TSPAN14: variants seen among roughly 807,000 people sequenced by gnomAD.
The protein encoded by TSPAN14 is tetraspanin-14.
TSPAN14 carries 16 observed loss-of-function variants against 36.6 expected under a neutral mutation model. The ratio of observed to expected loss-of-function variants is 0.44; its 90% confidence interval spans 0.30 to 0.66. The LOEUF (loss-of-function observed/expected upper bound fraction) is 0.66, where lower values mean the gene tolerates loss of function less well. Ranked by LOEUF, TSPAN14 falls within the 30% of genes least tolerant of loss-of-function variation. The pLI is 0.12. For synonymous variants in TSPAN14, 139 were observed against 143.8 expected (o/e 0.97, Z 0.24); for missense variants, 231 against 355.1 (o/e 0.65, Z 2.81).
intron 1 of TSPAN14, among the ~76,000 whole-genome samples, chr10:80,480,341 G>A (rs1025358186): frequency 2.0e-5 from 3 of 152,150 alleles, no homozygotes; most frequent in Non-Finnish European, 2.9e-5. Flanking sequence ...TTGAACAGGA[G>A]TGGTGAGAGA....
At chr10:80,504,173 C>T (rs549712916) in intron 2 of TSPAN14, among the ~76,000 whole-genome samples, 114 of 152,344 alleles carry the variant, frequency 7.5e-4, no homozygotes, top group Non-Finnish European at 5.6e-4. Flanking sequence ...GGAGGCTCAG[C>T]CCTGGCCAGT....
intron 2 of TSPAN14, among the ~76,000 whole-genome samples, chr10:80,503,982 G>A (rs1037796310): frequency 1.3e-5 from 2 of 152,144 alleles, no homozygotes; most frequent in African/African-American, 4.8e-5. Flanking sequence ...TTGGGTGGGC[G>A]CCTTTCTGTT....
At chr10:80,507,159 A>G (rs747812794) in intron 3 of TSPAN14, 69 bp from the exon 4 acceptor site, 7 of 1,585,458 alleles carry the variant, frequency 4.4e-6, no homozygotes, top group East Asian at 2.3e-5. Flanking sequence ...TACCACCTGC[A>G]TCCCCCAGGG....
chr10:80,476,518 C>T (rs1846914617), intron 1 of TSPAN14, among the ~76,000 whole-genome samples: 1 of 148,740 alleles, frequency 6.7e-6, no homozygotes, highest in Non-Finnish European at 1.5e-5. Flanking sequence ...CGGGTTCACG[C>T]CATTCTCCTG....
chr10:80,479,005 C>T (rs1308085520), intron 1 of TSPAN14, among the ~76,000 whole-genome samples: 1 of 152,094 alleles, frequency 6.6e-6, no homozygotes, highest in Non-Finnish European at 1.5e-5. Flanking sequence ...GAGATGGTAT[C>T]TCATTGTGGT....
chr10:80,513,500 G>C (rs767196011), intron 6 of TSPAN14, among the ~76,000 whole-genome samples: 2 of 152,332 alleles, frequency 1.3e-5, no homozygotes, highest in African/African-American at 2.4e-5. Context: ...AAATGTACCA[G>C]TCTTGTAAGT....
chr10:80,460,103 G>A (rs1845900737), intron 1 of TSPAN14, among the ~76,000 whole-genome samples: 1 of 152,214 alleles, frequency 6.6e-6, no homozygotes, highest in Non-Finnish European at 1.5e-5. Flanking sequence ...TACGATAGAT[G>A]TAGGAATTAT....
intron 1 of TSPAN14, among the ~76,000 whole-genome samples, chr10:80,477,813 A>C (rs572402855): frequency 6.6e-6 from 1 of 152,354 alleles, no homozygotes; most frequent in Non-Finnish European, 1.5e-5. Flanking sequence ...TCCATTCTCT[A>C]GTCTTCTAAC....
rs754016524 is a variant in TSPAN14, at chr10:80,509,391, C to A, written c.370C>A (p.Arg124=). 1.1e-4 allele frequency: 185 copies of A among 1,614,022 alleles called. No homozygotes were observed. Among genetic ancestry groups the A allele is most frequent in the Non-Finnish European group, 1.5e-4 (178 of 1,180,036 alleles). Residue 124 remains arginine, a synonymous_variant, in exon 5 of 9, where the codon CGG becomes AGG. Coordinates refer to ENST00000429989, the Ensembl canonical transcript of TSPAN14. This position sits in a 1 kb window ranked among gnomAD's most constrained non-coding sequence, Gnocchi z 4.7. The stretch of plus-strand genomic sequence containing the variant: ...CCAGGACTGGGTGAGGGACCGGTTC[C>A]GGGAGTTCTTCGAGAGCAACATCAA...
chr10:80,466,666 T>C (rs1846267423), intron 1 of TSPAN14: 1 of 152,172 alleles, frequency 6.6e-6, no homozygotes, highest in Admixed American at 6.5e-5. Context: ...GGGTGGGGTA[T>C]GTTAACAGAA....
At chr10:80,458,356 A>G (rs1436771339) in intron 1 of TSPAN14, among the ~76,000 whole-genome samples, 1 of 152,164 alleles carries the variant, frequency 6.6e-6, no homozygotes, top group African/African-American at 2.4e-5. Context: ...CCACGTTAGT[A>G]GGATTTTGAA....
chr10:80,503,127 G>A (rs376549196), intron 2 of TSPAN14, among the ~76,000 whole-genome samples: 16 of 152,246 alleles, frequency 1.1e-4, no homozygotes, highest in African/African-American at 3.9e-4. Flanking sequence ...GGGTGGGGAT[G>A]GAGCCTGCAG....
At chr10:80,463,166 C>T (rs560587603) in intron 1 of TSPAN14, 2 of 152,198 alleles carry the variant, frequency 1.3e-5, no homozygotes, top group Non-Finnish European at 2.9e-5. Context: ...GCCTGACCCC[C>T]TCCTTCCCCT....
At chr10:80,497,703 C>T (rs1418938571) in intron 2 of TSPAN14, among the ~76,000 whole-genome samples, 1 of 152,198 alleles carries the variant, frequency 6.6e-6, no homozygotes, top group Non-Finnish European at 1.5e-5. Context: ...TTTCCAGGGC[C>T]TTGACTCAGG....
intron 1 of TSPAN14, among the ~76,000 whole-genome samples, chr10:80,485,217 TAA>T (rs1317548013): frequency 6.6e-6 from 1 of 151,600 alleles, no homozygotes; most frequent in African/African-American, 2.4e-5. Flanking sequence ...GTGTGTAAGA[TAA>T]AGAGTGTTGG....
At chr10:80,520,948 T>G (rs1841239441) in exon 9 of TSPAN14, 1 of 439,480 alleles carries the variant, frequency 2.3e-6, no homozygotes, top group Non-Finnish European at 4.6e-6. Flanking sequence ...CTCACCAGCC[T>G]CCGGGGAATC....
chr10:80,464,887 AAGG>A (rs1415925240), intron 1 of TSPAN14, among the ~76,000 whole-genome samples: 3 of 152,058 alleles, frequency 2.0e-5, no homozygotes, highest in African/African-American at 7.2e-5. Flanking sequence ...GGAACTAGAG[AAGG>A]AGGAGAGTGG....
At chr10:80,489,107 G>C (rs1847785893) in intron 1 of TSPAN14, 110 bp from the exon 2 acceptor site, 5 of 702,602 alleles carry the variant, frequency 7.1e-6, no homozygotes, top group Admixed American at 2.2e-5. Context: ...ACCAGTAAAG[G>C]GTCATGAGGG....
intron 8 of TSPAN14, among the ~76,000 whole-genome samples, chr10:80,516,732 G>A (rs1388552770): frequency 6.6e-6 from 1 of 152,202 alleles, no homozygotes; most frequent in Non-Finnish European, 1.5e-5. Context: ...GGGGCCTGAG[G>A]GTGGCCTGAG....
Sources: gnomAD v4.1 joint callset for allele counts (sites outside exome capture counted in the v4.1 genomes callset) on GRCh38, gnomAD v4.1.1 for gene constraint, Gnocchi (gnomAD v3.1) non-coding constraint, MANE v1.5 for transcripts, NCBI Gene and HGNC (gene_info 2026-07-23, HGNC 2026-07-21) for gene names.